Variants in VPS13D observed in about 807,000 individuals in gnomAD.
VPS13D encodes the protein intermembrane lipid transfer protein VPS13D.
Under a neutral mutation model 461.9 loss-of-function variants are expected in VPS13D, and 187 were observed. That is an observed-to-expected ratio of 0.40 (90% confidence interval 0.36 to 0.46). VPS13D has a LOEUF of 0.46. VPS13D is among the 20% of genes least tolerant of loss of function. The pLI, the probability that VPS13D is intolerant of heterozygous loss-of-function variation, is 0.60. For missense variants in VPS13D, 4,711 were observed against 5,364.9 expected (o/e 0.88, Z 3.81); for synonymous variants, 1,951 against 1,986.3 (o/e 0.98, Z 0.47).
intron 67 of VPS13D, among the ~76,000 whole-genome samples, chr1:12,471,831 A>G (rs1329664833): frequency 1.3e-5 from 2 of 151,806 alleles, no homozygotes; most frequent in African/African-American, 4.8e-5. Flanking sequence ...TTTGTTTTCT[A>G]TATGCACATT....
intron 3 of VPS13D, among the ~76,000 whole-genome samples, 192 bp from the exon 4 acceptor site, chr1:12,244,054 T>C (rs1276999185): frequency 6.6e-6 from 1 of 152,234 alleles, no homozygotes. Context: ...TAAGTCATTA[T>C]ACCTTATTCT....
At chr1:12,441,227 AAG>A (rs2100341810) in intron 65 of VPS13D, among the ~76,000 whole-genome samples, 1 of 152,310 alleles carries the variant, frequency 6.6e-6, no homozygotes, top group Admixed American at 6.5e-5. Flanking sequence ...GTGCCCAACC[AAG>A]ATTTGTTTTT....
intron 65 of VPS13D, among the ~76,000 whole-genome samples, chr1:12,434,781 A>G (rs190563272): frequency 1.1e-4 from 17 of 152,354 alleles, no homozygotes; most frequent in Admixed American, 1.0e-3. Context: ...ACAAAGAAAC[A>G]TTTAGATTAA....
intron 65 of VPS13D, among the ~76,000 whole-genome samples, chr1:12,420,787 A>G (rs749599743): frequency 5.3e-5 from 8 of 152,192 alleles, no homozygotes; most frequent in Non-Finnish European, 1.0e-4. Context: ...AACATTTATG[A>G]AAAGATGATG....
At chr1:12,367,512 A>G (rs992996777) in intron 52 of VPS13D, among the ~76,000 whole-genome samples, 1 of 152,154 alleles carries the variant, frequency 6.6e-6, no homozygotes, top group Non-Finnish European at 1.5e-5. Context: ...TCAATGGTTT[A>G]ATGGTTCTTG....
At chr1:12,404,883 A>G (rs1170180676) in intron 63 of VPS13D, among the ~76,000 whole-genome samples, 1 of 152,152 alleles carries the variant, frequency 6.6e-6, no homozygotes, top group Admixed American at 6.5e-5. Flanking sequence ...GCTTGGACCC[A>G]TTGGTTCTGG....
chr1:12,303,637 T>G (rs1166842945), intron 25 of VPS13D, among the ~76,000 whole-genome samples: 1 of 152,218 alleles, frequency 6.6e-6, no homozygotes, highest in Non-Finnish European at 1.5e-5. Context: ...GAGCAGTGTT[T>G]TTGTATTCTT....
At chr1:12,331,964 G>C (rs1201529505) in intron 37 of VPS13D, among the ~76,000 whole-genome samples, 1 of 152,170 alleles carries the variant, frequency 6.6e-6, no homozygotes, top group African/African-American at 2.4e-5. Flanking sequence ...TTAAAGATCT[G>C]TTAAAAATTA....
chr1:12,422,550 A>G (rs1203986288), intron 65 of VPS13D, among the ~76,000 whole-genome samples: 1 of 152,186 alleles, frequency 6.6e-6, no homozygotes, highest in Non-Finnish European at 1.5e-5. Flanking sequence ...TATGAATTTG[A>G]CAGAGATCTA....
At chr1:12,294,772 A>G (rs1389344318) in intron 24 of VPS13D, among the ~76,000 whole-genome samples, 1 of 152,144 alleles carries the variant, frequency 6.6e-6, no homozygotes, top group East Asian at 1.9e-4. Flanking sequence ...AGGTGGCGCC[A>G]CTGCACTCCA....
chr1:12,463,301 AG>A (rs923475877), intron 67 of VPS13D, among the ~76,000 whole-genome samples: 2 of 152,184 alleles, frequency 1.3e-5, no homozygotes, highest in Non-Finnish European at 2.9e-5. Flanking sequence ...AGAGGCAAGT[AG>A]GGTATATGTT....
At chr1:12,267,716 T>G (rs903818976) in intron 14 of VPS13D, 129 bp from the exon 15 acceptor site, 12 of 813,766 alleles carry the variant, frequency 1.5e-5, no homozygotes, top group Non-Finnish European at 2.3e-5. Context: ...AAGTAGTCAA[T>G]CTGAGGTAAA....
At chr1:12,328,310 T>C (rs984059801) in intron 36 of VPS13D, among the ~76,000 whole-genome samples, 1 of 151,870 alleles carries the variant, frequency 6.6e-6, no homozygotes, top group African/African-American at 2.4e-5. Flanking sequence ...ACTGTTTATA[T>C]GTGAGCTGTC....
intron 22 of VPS13D, among the ~76,000 whole-genome samples, chr1:12,290,615 G>A (rs1351930574): frequency 6.6e-6 from 1 of 151,816 alleles, no homozygotes; most frequent in Admixed American, 6.6e-5. Flanking sequence ...CCAGCTACTC[G>A]GCGGGGCTGA....
At chr1:12,231,231 G>A (rs1639964510) in intron 1 of VPS13D, among the ~76,000 whole-genome samples, 1 of 152,232 alleles carries the variant, frequency 6.6e-6, no homozygotes, top group South Asian at 2.1e-4. Flanking sequence ...CAGCTGCCTA[G>A]AAGTCCTGAT....
intron 30 of VPS13D, among the ~76,000 whole-genome samples, chr1:12,314,657 A>G (rs549118274): frequency 1.3e-5 from 2 of 152,238 alleles, no homozygotes; most frequent in South Asian, 4.1e-4. Flanking sequence ...GGAAAAAAGT[A>G]AAAAGACTTT....
chr1:12,256,944 C>T, intron 8 of VPS13D, 43 bp from the exon 9 acceptor site: 2 of 1,597,288 alleles, frequency 1.3e-6, no homozygotes, highest in Non-Finnish European at 1.7e-6. Flanking sequence ...GTAAAAGAAA[C>T]AAACCTATTC....
intron 13 of VPS13D, among the ~76,000 whole-genome samples, chr1:12,263,269 T>C (rs1012884788): frequency 6.6e-6 from 1 of 152,102 alleles, no homozygotes; most frequent in African/African-American, 2.4e-5. Context: ...ATGAAAAACA[T>C]GGCGCCAAAT....
intron 52 of VPS13D, among the ~76,000 whole-genome samples, chr1:12,366,909 C>G (rs1486036717): frequency 2.0e-5 from 3 of 152,186 alleles, no homozygotes; most frequent in African/African-American, 7.2e-5. Flanking sequence ...ATAAAAACCT[C>G]ACTTATCACC....
Sources: gnomAD v4.1 joint callset for allele counts (sites outside exome capture counted in the v4.1 genomes callset) on GRCh38, gnomAD v4.1.1 for gene constraint, MANE v1.5 for transcripts, NCBI Gene and HGNC (gene_info 2026-07-23, HGNC 2026-07-21) for gene names.